GRIA4: variants seen among roughly 807,000 people sequenced by gnomAD.
The protein encoded by GRIA4 is glutamate receptor 4.
In GRIA4, 34 loss-of-function variants were observed where a neutral mutation model predicts 104.0. That is an observed-to-expected ratio of 0.33 (90% confidence interval 0.25 to 0.44). The LOEUF is 0.44. Ranked by LOEUF, GRIA4 falls within the 20% of genes least tolerant of loss-of-function variation. GRIA4 has a pLI of 1.00. For missense variants in GRIA4, 750 were observed against 1,096.5 expected, an observed-to-expected ratio of 0.68 and a Z score of 4.46; for synonymous variants, 386 against 381.9, an observed-to-expected ratio of 1.01 and a Z score of -0.13.
chr11:105,743,346 T>G (rs1316989018), intron 3 of GRIA4, among the ~76,000 whole-genome samples: 1 of 152,190 alleles, frequency 6.6e-6, no homozygotes, highest in Non-Finnish European at 1.5e-5. Context: ...AAATAAATCC[T>G]CAAACGCAAA....
intron 4 of GRIA4, among the ~76,000 whole-genome samples, chr11:105,828,088 C>G (rs1943841956): frequency 6.6e-6 from 1 of 152,000 alleles, no homozygotes; most frequent in Non-Finnish European, 1.5e-5. Flanking sequence ...TCCACAAGAT[C>G]TTATTCCAAT....
chr11:105,666,192 C>G (rs938959988), intron 3 of GRIA4, among the ~76,000 whole-genome samples: 3 of 151,904 alleles, frequency 2.0e-5, no homozygotes, highest in African/African-American at 7.2e-5. Flanking sequence ...ATTTTAAAAA[C>G]CATTTTAGTT....
At chr11:105,955,227 T>C (rs2136247647) in intron 14 of GRIA4, among the ~76,000 whole-genome samples, 1 of 152,272 alleles carries the variant, frequency 6.6e-6, no homozygotes, top group South Asian at 2.1e-4. Context: ...AGTGCCATGA[T>C]GGTTTGCTGC....
chr11:105,871,354 G>A (rs1945607218), intron 5 of GRIA4, among the ~76,000 whole-genome samples: 1 of 151,660 alleles, frequency 6.6e-6, no homozygotes, highest in Admixed American at 6.6e-5. Context: ...CTGGCCTGTG[G>A]ACAAATATAG....
At chr11:105,641,113 GAAAGTA>G (rs1320929127) in intron 3 of GRIA4, among the ~76,000 whole-genome samples, 1 of 151,958 alleles carries the variant, frequency 6.6e-6, no homozygotes, top group Non-Finnish European at 1.5e-5. Flanking sequence ...TAATTTTGAA[GAAAGTA>G]AAAGTAAAAT....
At chr11:105,824,702 CA>C (rs1943702110) in intron 4 of GRIA4, 1 of 152,092 alleles carries the variant, frequency 6.6e-6, no homozygotes, top group Admixed American at 6.6e-5. Context: ...TAATTGAAAA[CA>C]GAATGTGCAT....
At chr11:105,678,654 TTC>T (rs1459532779) in intron 3 of GRIA4, among the ~76,000 whole-genome samples, 1 of 152,104 alleles carries the variant, frequency 6.6e-6, no homozygotes, top group East Asian at 1.9e-4. Flanking sequence ...CAAAATTAAT[TTC>T]TGAGTGTTTT....
At chr11:105,699,360 T>A (rs1429443611) in intron 3 of GRIA4, among the ~76,000 whole-genome samples, 2 of 152,112 alleles carry the variant, frequency 1.3e-5, no homozygotes, top group African/African-American at 4.8e-5. Flanking sequence ...CTAGCTGCAC[T>A]CTCTATACAA....
chr11:105,730,847 CCCTT>C (rs1938540413), intron 3 of GRIA4, among the ~76,000 whole-genome samples: 1 of 152,080 alleles, frequency 6.6e-6, no homozygotes, highest in African/African-American at 2.4e-5. Flanking sequence ...GAAACTTGAC[CCCTT>C]CCTTAAACTT....
intron 3 of GRIA4, among the ~76,000 whole-genome samples, chr11:105,665,285 G>A (rs1378433494): frequency 6.6e-6 from 1 of 151,838 alleles, no homozygotes; most frequent in Non-Finnish European, 1.5e-5. Flanking sequence ...TCAATATTTA[G>A]GGGTACTAAC....
At chr11:105,814,189 T>C (rs1024447445) in intron 4 of GRIA4, among the ~76,000 whole-genome samples, 4 of 152,170 alleles carry the variant, frequency 2.6e-5, no homozygotes, top group African/African-American at 7.2e-5. Context: ...AAGTGCAAAG[T>C]AAGTCCATGA....
intron 4 of GRIA4, among the ~76,000 whole-genome samples, chr11:105,840,998 G>A (rs1037265319): frequency 6.6e-6 from 1 of 152,104 alleles, no homozygotes; most frequent in African/African-American, 2.4e-5. Flanking sequence ...ATATTAGCCT[G>A]TATAGAAATG....
At chr11:105,869,264 A>T (rs1444269400) in intron 5 of GRIA4, among the ~76,000 whole-genome samples, 1 of 152,160 alleles carries the variant, frequency 6.6e-6, no homozygotes, top group Non-Finnish European at 1.5e-5. Context: ...GAATTCTACG[A>T]TTAGGTTAGG....
intron 14 of GRIA4, among the ~76,000 whole-genome samples, chr11:105,937,836 T>G (rs971829503): frequency 6.6e-6 from 1 of 152,116 alleles, no homozygotes; most frequent in African/African-American, 2.4e-5. Flanking sequence ...GGGTGAGACC[T>G]GGAAAAAATG....
intron 5 of GRIA4, among the ~76,000 whole-genome samples, chr11:105,878,647 A>G (rs1945928023): frequency 6.6e-6 from 1 of 152,228 alleles, no homozygotes; most frequent in Non-Finnish European, 1.5e-5. Flanking sequence ...GAGTCTGGCT[A>G]CAGTGGCTTT....
At chr11:105,746,461 G>T (rs1939665771) in intron 3 of GRIA4, among the ~76,000 whole-genome samples, 2 of 151,738 alleles carry the variant, frequency 1.3e-5, no homozygotes, top group Non-Finnish European at 1.5e-5. Context: ...AAAAAAAGAG[G>T]CAAGGTTGTT....
At chr11:105,688,134 ATATC>A (rs1383769917) in intron 3 of GRIA4, among the ~76,000 whole-genome samples, 10 of 78,240 alleles carry the variant, frequency 1.3e-4, no homozygotes, top group South Asian at 4.3e-4. Flanking sequence ...ATCTATATCT[ATATC>A]TATATCTATA....
At chr11:105,724,890 A>G (rs928282501) in intron 3 of GRIA4, among the ~76,000 whole-genome samples, 1 of 152,116 alleles carries the variant, frequency 6.6e-6, no homozygotes. Flanking sequence ...AGGGAAAAAA[A>G]CATTGTTTGA....
intron 3 of GRIA4, among the ~76,000 whole-genome samples, chr11:105,683,233 G>A (rs1426191887): frequency 6.6e-6 from 1 of 151,548 alleles, no homozygotes; most frequent in South Asian, 2.1e-4. Flanking sequence ...AATTTATATA[G>A]CACTTTATAT....
Sources: allele counts gnomAD v4.1 joint callset (sites outside exome capture counted in the v4.1 genomes callset), GRCh38; gene constraint gnomAD v4.1.1; transcripts MANE v1.5; gene names NCBI Gene and HGNC (gene_info 2026-07-23, HGNC 2026-07-21).